The following SHC3 variants were observed in gnomAD, a reference collection of about 807,000 sequenced individuals.
SHC3 encodes the protein SHC adaptor protein 3.
In SHC3, 15 loss-of-function variants were observed where a neutral mutation model predicts 60.4. The observed-to-expected ratio is 0.25, with a 90% CI of 0.17 to 0.38. The LOEUF (loss-of-function observed/expected upper bound fraction) is 0.38, where lower values mean the gene tolerates loss of function less well. Ranked by LOEUF, SHC3 falls within the 10% of genes least tolerant of loss-of-function variation. The pLI is 1.00. For synonymous variants in SHC3, 294 were observed against 325.9 expected (o/e 0.90, Z 1.05); for missense variants, 677 against 786.1 (o/e 0.86, Z 1.66).
chr9:89,055,575 C>T (rs142287381), intron 6 of SHC3, among the ~76,000 whole-genome samples: 3 of 152,350 alleles, frequency 2.0e-5, no homozygotes, highest in East Asian at 1.9e-4. Flanking sequence ...TGCAACTCAA[C>T]GCAAGGCCTT....
At chr9:89,167,029 A>AGCTG (rs1304139990) in intron 1 of SHC3, among the ~76,000 whole-genome samples, 2 of 152,174 alleles carry the variant, frequency 1.3e-5, no homozygotes, top group South Asian at 4.2e-4. Context: ...ACAGCACGAA[A>AGCTG]GCTGGCAAAA....
intron 11 of SHC3, among the ~76,000 whole-genome samples, chr9:89,036,719 A>G (rs1295267423): frequency 6.6e-6 from 1 of 152,192 alleles, no homozygotes; most frequent in African/African-American, 2.4e-5. Flanking sequence ...TTTGTGGAAC[A>G]ATAACATGTT....
At chr9:89,131,349 T>C (rs933625358) in intron 1 of SHC3, among the ~76,000 whole-genome samples, 7 of 152,206 alleles carry the variant, frequency 4.6e-5, no homozygotes, top group African/African-American at 1.7e-4. Context: ...GCTGTTACCA[T>C]TCCTTCTGAA....
At chr9:89,144,329 G>T (rs371209548) in intron 1 of SHC3, among the ~76,000 whole-genome samples, 2 of 152,206 alleles carry the variant, frequency 1.3e-5, no homozygotes, top group East Asian at 3.8e-4. Flanking sequence ...ACAAGTAAAA[G>T]AAACTGATGC....
intron 11 of SHC3, among the ~76,000 whole-genome samples, chr9:89,025,391 T>G (rs189735944): frequency 6.6e-6 from 1 of 152,260 alleles, no homozygotes; most frequent in East Asian, 1.9e-4. Flanking sequence ...CCCAAGCCTC[T>G]CCTACATTTG....
rs546491655 is a variant in SHC3 at position 89,068,672 on chromosome 9, A to C, written c.783+2527T>G. ...CTAAATGTTTCCAATTTTTTTTAAAAAAAAATAAGATGTGATGAGGAAATC... is the reference window on the plus strand; with the variant it reads ...CTAAATGTTTCCAATTTTTTTTAAACAAAAATAAGATGTGATGAGGAAATC... On this transcript the variant is annotated intron_variant, in intron 5 of 11. Transcript: ENST00000375835. Among the ~76,000 whole-genome samples the C allele has an allele frequency of 1.6e-4, 24 of 152,042 alleles. No individual in the cohort carries two copies. In the South Asian group the frequency reaches 5.0e-3, roughly 32 times the overall value.
intron 2 of SHC3, among the ~76,000 whole-genome samples, chr9:89,087,987 C>A (rs780846765): frequency 2.0e-5 from 3 of 151,936 alleles, no homozygotes; most frequent in Non-Finnish European, 4.4e-5. Flanking sequence ...AATGGCCCTG[C>A]AAAGCTGTCT....
chr9:89,136,107 C>T (rs1443850857), intron 1 of SHC3, among the ~76,000 whole-genome samples: 1 of 151,478 alleles, frequency 6.6e-6, no homozygotes, highest in African/African-American at 2.4e-5. Flanking sequence ...CCCTGAGGAG[C>T]CCCAGTAGTT....
chr9:89,073,996 G>T (rs1366400468), intron 4 of SHC3, among the ~76,000 whole-genome samples: 1 of 152,168 alleles, frequency 6.6e-6, no homozygotes, highest in African/African-American at 2.4e-5. Context: ...AAGATAAAAA[G>T]ACAAGAAATT....
At chr9:89,156,481 A>T (rs1826625128) in intron 1 of SHC3, among the ~76,000 whole-genome samples, 1 of 151,994 alleles carries the variant, frequency 6.6e-6, no homozygotes, top group Admixed American at 6.5e-5. Context: ...CAAAGACATA[A>T]TTTTTTTAAT....
chr9:89,126,230 C>T (rs1826163493), intron 1 of SHC3, among the ~76,000 whole-genome samples: 1 of 152,074 alleles, frequency 6.6e-6, no homozygotes, highest in South Asian at 2.1e-4. Context: ...TAGAGACTCT[C>T]CTAAAACAAA....
At chr9:89,018,834 T>C (rs1826147781) in intron 11 of SHC3, among the ~76,000 whole-genome samples, 1 of 151,164 alleles carries the variant, frequency 6.6e-6, no homozygotes, top group African/African-American at 2.4e-5. Context: ...GGCAGGCGGA[T>C]CATTTGAGGT....
intron 11 of SHC3, among the ~76,000 whole-genome samples, chr9:89,033,024 C>G (rs934478574): frequency 2.7e-5 from 4 of 148,128 alleles, no homozygotes; most frequent in Non-Finnish European, 4.5e-5. Flanking sequence ...AAAGCCCCCC[C>G]ACCGAAGAAC....
intron 11 of SHC3, chr9:89,037,501 G>A (rs78082920): frequency 0.085 from 60,822 of 715,282 alleles, 5,370 homozygotes; most frequent in African/African-American, 0.37. Flanking sequence ...TGCCAGGGAT[G>A]GCCAACATCA....
chr9:89,149,563 C>T (rs542465383), intron 1 of SHC3, among the ~76,000 whole-genome samples: 18 of 152,260 alleles, frequency 1.2e-4, no homozygotes, highest in African/African-American at 4.3e-4. Flanking sequence ...TGGATAACTG[C>T]TACCTACCTT....
Position 89,052,909 on chromosome 9 carries a change from G to A in SHC3, c.836-746C>T, listed in dbSNP as rs149869086. ...GCCTGGAGCAGTCCTTATGCTTGAA[G>A]CAGGCACCAGCTGTTACACAAGGAC... On this transcript the variant is annotated intron_variant, in intron 6 of 11. Transcript: ENST00000375835. Among the ~76,000 whole-genome samples the A allele has an allele frequency of 3.2e-4, 49 of 152,310 alleles. No individual in the cohort carries two copies. In the East Asian group the frequency reaches 9.3e-3, roughly 29 times the overall value.
chr9:89,038,531 G>A (rs1824623696), intron 10 of SHC3, among the ~76,000 whole-genome samples: 1 of 152,210 alleles, frequency 6.6e-6, no homozygotes, highest in Non-Finnish European at 1.5e-5. Context: ...TCCCAAGACA[G>A]CTGGGAGTTG....
At chr9:89,043,470 A>G (rs1206456588) in intron 9 of SHC3, among the ~76,000 whole-genome samples, 1 of 152,230 alleles carries the variant, frequency 6.6e-6, no homozygotes, top group Non-Finnish European at 1.5e-5. Flanking sequence ...GAGAAGATCA[A>G]GAGCCCAAAT....
At chr9:89,075,702 C>A (rs908673056) in intron 3 of SHC3, among the ~76,000 whole-genome samples, 3 of 152,194 alleles carry the variant, frequency 2.0e-5, no homozygotes, top group African/African-American at 7.2e-5. Context: ...AGGATGTTCG[C>A]GGCCGAAGGG....
Sources: gnomAD v4.1 joint callset for allele counts (sites outside exome capture counted in the v4.1 genomes callset) on GRCh38, gnomAD v4.1.1 for gene constraint, MANE v1.5 for transcripts, NCBI Gene and HGNC (gene_info 2026-07-23, HGNC 2026-07-21) for gene names.